ZNF599: variants seen among roughly 807,000 people sequenced by gnomAD.
ZNF599 encodes the protein zinc finger protein 599.
Under a neutral mutation model 11.7 loss-of-function variants are expected in ZNF599, and 10 were observed. The ratio of observed to expected loss-of-function variants is 0.86; its 90% CI spans 0.53 to 1.45. The LOEUF is 1.45. ZNF599 is among the 40% of genes most tolerant of loss of function. ZNF599 has a pLI of 0.00. For synonymous variants in ZNF599, 232 were observed against 253.2 expected, an observed-to-expected ratio of 0.92 and a Z score of 0.79; for missense variants, 688 against 713.6, an observed-to-expected ratio of 0.96 and a Z score of 0.41.
chr19:34,789,029 G>T, the ZNF599 span, among the ~76,000 whole-genome samples: 3 of 152,086 alleles, frequency 2.0e-5, no homozygotes, highest in South Asian at 6.2e-4. Context: ...TTGTATAATA[G>T]ATTTCTTGAC....
At chr19:34,778,078 T>A (rs1328527235), upstream of ZNF599, among the ~76,000 whole-genome samples, 1 of 152,296 alleles carries the variant, frequency 6.6e-6, no homozygotes, top group South Asian at 2.1e-4. Context: ...TATACACATA[T>A]GTTCTAACCA....
chr19:34,801,906 A>G, the ZNF599 span, among the ~76,000 whole-genome samples: 1 of 152,182 alleles, frequency 6.6e-6, no homozygotes, highest in Non-Finnish European at 1.5e-5. Context: ...CTAAGTATAC[A>G]GTTTCTTCCT....
chr19:34,794,027 A>G, the ZNF599 span, among the ~76,000 whole-genome samples: 1 of 152,210 alleles, frequency 6.6e-6, no homozygotes, highest in Non-Finnish European at 1.5e-5. Flanking sequence ...AGGCCTGACA[A>G]TCATGGCAGA....
At chr19:34,794,524 C>T in the ZNF599 span, among the ~76,000 whole-genome samples, 4 of 151,822 alleles carry the variant, frequency 2.6e-5, no homozygotes, top group Middle Eastern at 3.2e-3. Flanking sequence ...CACTGATCTT[C>T]GACCTCATTC....
chr19:34,777,222 G>T, upstream of ZNF599, among the ~76,000 whole-genome samples: 1 of 136,674 alleles, frequency 7.3e-6, no homozygotes, highest in East Asian at 2.1e-4. Flanking sequence ...TAAAATATTT[G>T]CTCTGGATAT....
intron 3 of ZNF599, among the ~76,000 whole-genome samples, chr19:34,761,192 C>T (rs1203463501): frequency 6.6e-6 from 1 of 152,038 alleles, no homozygotes; most frequent in Non-Finnish European, 1.5e-5. Flanking sequence ...AGGATTCTCA[C>T]CTGTGTAAAA....
chr19:34,771,305 T>A (rs1044981766), intron 1 of ZNF599, among the ~76,000 whole-genome samples: 2 of 152,138 alleles, frequency 1.3e-5, no homozygotes, highest in East Asian at 3.9e-4. Flanking sequence ...TACTGGATTG[T>A]TTCTGTTACT....
At chr19:34,765,979 A>T (rs2069139915) in intron 3 of ZNF599, among the ~76,000 whole-genome samples, 1 of 152,142 alleles carries the variant, frequency 6.6e-6, no homozygotes, top group Non-Finnish European at 1.5e-5. Context: ...GGATGGCTGG[A>T]TATTGGGTAT....
the ZNF599 span, among the ~76,000 whole-genome samples, chr19:34,784,509 C>T: frequency 1.3e-5 from 2 of 152,136 alleles, no homozygotes; most frequent in Non-Finnish European, 1.5e-5. Context: ...CGCCCAGTTC[C>T]GATTTGAAGG....
upstream of ZNF599, among the ~76,000 whole-genome samples, chr19:34,777,108 C>T (rs763238070): frequency 5.3e-5 from 8 of 149,762 alleles, no homozygotes; most frequent in Non-Finnish European, 1.2e-4. Context: ...TATCTTAAAA[C>T]GATAAAAGCA....
upstream of ZNF599, among the ~76,000 whole-genome samples, chr19:34,777,492 G>A (rs1364614740): frequency 9.0e-4 from 84 of 93,710 alleles, no homozygotes; most frequent in African/African-American, 3.6e-3. Flanking sequence ...TATAATATAT[G>A]ATATATATTA....
chr19:34,767,397 T>A lies in ZNF599; in HGVS notation c.160A>T (p.Lys54Ter). The stretch of plus-strand genomic sequence containing the variant: ...TCCAGTAGATAGATCAGCTCTGGTT[T>A]GGGAACAGGATGCCCTGTGCATGGA... ...LLVSLGHPVP[K>*]PELIYLLEHG... The change falls in exon 3 of 4, where the codon AAA becomes TAA. Residue 54 changes from lysine (K) to a stop codon, truncating the protein, a stop_gained. Transcript: ENST00000329285. LOFTEE classifies it high-confidence loss of function. The A allele has an allele frequency of 6.2e-7, 1 of 1,614,110 alleles. No individual in the cohort carries two copies. The highest frequency in any genetic ancestry group is 8.5e-7 in the Non-Finnish European group (1 of 1,179,978).
rs2069089984 is a variant in ZNF599, at chr19:34,759,100, T to C, written c.1701A>G (p.Glu567=). The change falls in exon 4 of 4, where the codon GAA becomes GAG. Residue 567 remains glutamate, a synonymous_variant. Transcript: ENST00000329285. ...AACTGTGGCTGAAGGTCTTTCCACA[T>C]TCATTGCATTCAAAGGGTTTCTCTC... The part of the protein sequence containing the change: ...HTGEKPFECN[E]CGKTFSHSSS... The C allele has an allele frequency of 1.9e-6, 3 of 1,614,208 alleles. No homozygotes were observed.
At chr19:34,761,303 A>C (rs1262473223) in intron 3 of ZNF599, among the ~76,000 whole-genome samples, 2 of 152,242 alleles carry the variant, frequency 1.3e-5, no homozygotes, top group Non-Finnish European at 2.9e-5. Context: ...TACATGAAGA[A>C]AATTGTAAAA....
At chr19:34,800,000 C>T in the ZNF599 span, among the ~76,000 whole-genome samples, 1 of 152,182 alleles carries the variant, frequency 6.6e-6, no homozygotes, top group Non-Finnish European at 1.5e-5. Context: ...AGGCTAATGT[C>T]TTGTTAATGT....
chr19:34,759,005 C>T lies in ZNF599; in HGVS notation c.*29G>A. Reference sequence around the variant, plus strand: ...CCACTATGAGTTCACTAAAGACAAACACACTTGTAATAGGCCTTCCTGTAT... The same window carrying T: ...CCACTATGAGTTCACTAAAGACAAATACACTTGTAATAGGCCTTCCTGTAT... On this transcript the variant is annotated 3_prime_UTR_variant, in exon 4 of 4. Coordinates refer to ENST00000329285, the MANE Select transcript of ZNF599 (RefSeq NM_001007248.3). 2 of 1,567,120 alleles carry T rather than the reference C, an allele frequency of 1.3e-6. No homozygotes were observed. The highest frequency in any genetic ancestry group is 8.6e-7 in the Non-Finnish European group (1 of 1,156,154).
chr19:34,800,586 GTTT>G, the ZNF599 span, among the ~76,000 whole-genome samples: 29 of 112,992 alleles, frequency 2.6e-4, no homozygotes, highest in East Asian at 4.5e-3. Flanking sequence ...CATTTCCTTT[GTTT>G]TTTTTTTTTT....
rs2069098597 is a variant in ZNF599, at chr19:34,759,837, A to G, written c.964T>C (p.Tyr322His). 1 of 1,614,132 alleles carries G rather than the reference A, an allele frequency of 6.2e-7. No individual in the cohort carries two copies. Among genetic ancestry groups the G allele is most frequent in the African/African-American group, 1.3e-5 (1 of 75,030 alleles). ...LCKECGKAFY[Y>H]SSSFAQHMRI... ...ATATGTTGAGCAAATGAGGAGCTGTAGTAAAAAGCTTTCCCACATTCTTTG... is the reference window on the plus strand; with the variant it reads ...ATATGTTGAGCAAATGAGGAGCTGTGGTAAAAAGCTTTCCCACATTCTTTG... Residue 322 changes from tyrosine (Y) to histidine (H), a missense_variant, in exon 4 of 4, where the codon TAC becomes CAC. Tyr to His is a moderately conservative substitution (Grantham distance 83). Coordinates refer to ENST00000329285, the MANE Select transcript of ZNF599 (RefSeq NM_001007248.3).
the ZNF599 span, among the ~76,000 whole-genome samples, chr19:34,802,122 G>T: frequency 2.0e-5 from 3 of 152,208 alleles, no homozygotes; most frequent in Non-Finnish European, 4.4e-5. Flanking sequence ...CCAGTGAAGT[G>T]CACGTGGACT....
Sources: gnomAD v4.1 joint callset for allele counts (sites outside exome capture counted in the v4.1 genomes callset) on GRCh38, gnomAD v4.1.1 for gene constraint, MANE v1.5 for transcripts, NCBI Gene and HGNC (gene_info 2026-07-23, HGNC 2026-07-21) for gene names.